Variants in RRAGD observed in about 807,000 individuals in gnomAD.
RRAGD encodes the protein Ras related GTP binding D, also known as ras-related GTP-binding protein D.
RRAGD carries 12 observed loss-of-function variants against 35.5 expected under a neutral mutation model. The observed-to-expected ratio is 0.34, with a 90% CI of 0.22 to 0.55. The LOEUF (loss-of-function observed/expected upper bound fraction) is 0.55, where lower values mean the gene tolerates loss of function less well. Among genes scored for constraint, RRAGD ranks in the 20% least tolerant of loss-of-function variants. The probability of loss-of-function intolerance (pLI) is 0.91; values close to 1 mark genes in which losing one functional copy is unlikely to be tolerated. For missense variants in RRAGD, 324 were observed against 490.1 expected (o/e 0.66, Z 3.20); for synonymous variants, 155 against 178.9 (o/e 0.87, Z 1.07).
chr6:89,393,936 T>C (rs931775565), intron 1 of RRAGD, among the ~76,000 whole-genome samples: 2 of 152,064 alleles, frequency 1.3e-5, no homozygotes, highest in African/African-American at 4.8e-5. Context: ...AAAAGCAGAA[T>C]AAACACAGAT....
At chr6:89,382,896 T>A (rs1167458163) in intron 2 of RRAGD, among the ~76,000 whole-genome samples, 2 of 151,208 alleles carry the variant, frequency 1.3e-5, no homozygotes, top group Non-Finnish European at 2.9e-5. Flanking sequence ...AAAAAAAAAA[T>A]TAAATTAAAT....
rs1424322538 is a variant in RRAGD, at chr6:89,372,565, C to G, written c.923G>C (p.Gly308Ala). 6.5e-7 allele frequency: 1 copy of G among 1,546,618 alleles called. No homozygotes were observed. The highest frequency in any genetic ancestry group is 8.7e-7 in the Non-Finnish European group (1 of 1,151,302). ...CIYGLKEDGA[G>A]TPYDKESTAI... The stretch of plus-strand genomic sequence containing the variant: ...TGTGGATTCCTTGTCATAGGGGGTT[C>G]CTGCTCCATCTTCTTTGAGACTAAA... The change falls in exon 6 of 7, where the codon GGA (glycine) becomes GCA (alanine). Residue 308 changes from glycine to alanine, a missense_variant. This residue lies in a region of RRAGD where 152 missense variants were observed against 296.9 expected (regional missense o/e 0.51). Coordinates refer to ENST00000369415, the MANE Select transcript of RRAGD (RefSeq NM_021244.5).
chr6:89,385,592 C>T (rs1769125624), intron 2 of RRAGD, among the ~76,000 whole-genome samples: 1 of 152,164 alleles, frequency 6.6e-6, no homozygotes, highest in Non-Finnish European at 1.5e-5. Flanking sequence ...CAGGTCAGTA[C>T]AAGTGGGACA....
chr6:89,392,149 G>A (rs1277000580), intron 1 of RRAGD, among the ~76,000 whole-genome samples: 2 of 151,934 alleles, frequency 1.3e-5, no homozygotes, highest in Admixed American at 6.6e-5. Flanking sequence ...GAAACTCAAA[G>A]AAGGATCAAG....
At chr6:89,403,273 G>A (rs1290037851) in intron 1 of RRAGD, among the ~76,000 whole-genome samples, 4 of 152,072 alleles carry the variant, frequency 2.6e-5, no homozygotes, top group Admixed American at 1.3e-4. Flanking sequence ...GTGAAACCCC[G>A]TGTCTACTAA....
At chr6:89,377,626 A>C in intron 5 of RRAGD, 45 bp downstream of exon 5, 3 of 1,484,086 alleles carry the variant, frequency 2.0e-6, no homozygotes, top group Non-Finnish European at 2.7e-6. Flanking sequence ...AAAGGTTATG[A>C]AGGAAGGATG....
At position 89,377,821 on chromosome 6, in the gene RRAGD, T is replaced by TA; in HGVS notation, c.760-9_760-8insT. 2 of 1,586,928 alleles carry TA rather than the reference T, an allele frequency of 1.3e-6. No individual in the cohort carries two copies. Among genetic ancestry groups the TA allele is most frequent in the Admixed American group, 1.9e-5 (1 of 52,482 alleles). On this transcript the variant is annotated splice_polypyrimidine_tract_variant and intron_variant, in intron 4 of 6. Coordinates refer to ENST00000369415, the MANE Select transcript of RRAGD (RefSeq NM_021244.5). ...CTTTTCAATTCCAGAATTCTGAAAT[T>TA]TAAAAAAAAAAGTTGCCTTAAAGCA... is the stretch of plus-strand genomic sequence containing the variant.
In RRAGD at chr6:89,411,234, G is replaced by C. The variant is rs1430560901; in HGVS notation, c.148+612C>G. 3 of 152,258 alleles carry C rather than the reference G, an allele frequency of 2.0e-5. No homozygotes were observed. The highest frequency in any genetic ancestry group is 6.5e-5 in the Admixed American group (1 of 15,290). 9.4% of individuals were successfully genotyped at this position (152,258 alleles called of 1,614,324 possible). ...GAGCAGATAAGGTGTCCTGACAACG[G>C]TGTTTGCGTGGATCCCGGGAAATCT... On this transcript the variant is annotated intron_variant, in intron 1 of 6. Transcript: ENST00000369415. The surrounding 1 kb of genome is among the most constrained non-coding windows in gnomAD (Gnocchi z 5.6).
intron 1 of RRAGD, among the ~76,000 whole-genome samples, chr6:89,406,683 G>A (rs141741172): frequency 0.033 from 5,029 of 152,170 alleles, 90 homozygotes; most frequent in African/African-American, 0.042. Context: ...CGATTCTTCC[G>A]GTACACCAAG....
chr6:89,393,686 C>A (rs1480855850), intron 1 of RRAGD, among the ~76,000 whole-genome samples: 4 of 152,118 alleles, frequency 2.6e-5, no homozygotes, highest in Non-Finnish European at 5.9e-5. Context: ...ATCAAATATT[C>A]GAGTAATGCC....
chr6:89,389,422 G>A lies in RRAGD; in HGVS notation c.149-1832C>T, dbSNP rs1769192708. 3.3e-5 allele frequency among the ~76,000 whole-genome samples: 5 copies of A among 152,114 alleles called. 1 individual carries two copies. In the South Asian group the frequency reaches 1.0e-3, roughly 32 times the overall value. ...TACAAAAAAATTAGCCAGGCGTGGT[G>A]GCGGGCACCTGTAGTCCCAGCTACT... On this transcript the variant is annotated intron_variant, in intron 1 of 6. Transcript: ENST00000369415.
chr6:89,372,848 G>A (rs929737408), intron 5 of RRAGD, among the ~76,000 whole-genome samples: 13 of 152,358 alleles, frequency 8.5e-5, no homozygotes, highest in African/African-American at 2.9e-4. Context: ...GTTGAAGGAT[G>A]AGGTTAGCTC....
At chr6:89,406,327 C>T (rs1473283223) in intron 1 of RRAGD, among the ~76,000 whole-genome samples, 4 of 152,006 alleles carry the variant, frequency 2.6e-5, no homozygotes, top group Non-Finnish European at 5.9e-5. Flanking sequence ...CAGGCATTTC[C>T]GGCCCAAATG....
At chr6:89,377,364 A>G (rs991712068) in intron 5 of RRAGD, among the ~76,000 whole-genome samples, 6 of 152,184 alleles carry the variant, frequency 3.9e-5, no homozygotes, top group African/African-American at 1.4e-4. Context: ...CTATAATCCC[A>G]GCTACTCGAG....
intron 1 of RRAGD, among the ~76,000 whole-genome samples, chr6:89,398,813 C>G (rs1034862898): frequency 2.0e-5 from 3 of 152,198 alleles, no homozygotes; most frequent in African/African-American, 4.8e-5. Context: ...CCTTCACCAC[C>G]TAGAGCCTTC....
At chr6:89,372,650 A>G (rs1768873781) in intron 5 of RRAGD, 65 bp from the exon 6 acceptor site, 1 of 1,461,226 alleles carries the variant, frequency 6.8e-7, no homozygotes, top group Admixed American at 2.4e-5. Flanking sequence ...TAAGCCAGTG[A>G]CAAGAGACCG....
intron 2 of RRAGD, among the ~76,000 whole-genome samples, chr6:89,382,027 A>G (rs1769051633): frequency 6.6e-6 from 1 of 151,890 alleles, no homozygotes; most frequent in Admixed American, 6.6e-5. Context: ...CAAAAAAAAA[A>G]AAAGGAAAGA....
chr6:89,405,629 C>A (rs911856898), intron 1 of RRAGD, among the ~76,000 whole-genome samples: 4 of 152,104 alleles, frequency 2.6e-5, no homozygotes, highest in Admixed American at 2.6e-4. Flanking sequence ...TTTTCCCACC[C>A]CAAGCCTAGG....
At chr6:89,405,227 G>A (rs147116660) in intron 1 of RRAGD, among the ~76,000 whole-genome samples, 12 of 151,930 alleles carry the variant, frequency 7.9e-5, no homozygotes, top group East Asian at 5.8e-4. Flanking sequence ...GGCAGCGTGC[G>A]CCTGTAGTCC....
Sources: allele counts gnomAD v4.1 joint callset (sites outside exome capture counted in the v4.1 genomes callset), GRCh38; gene constraint gnomAD v4.1.1; regional missense constraint gnomAD v4.1.1; non-coding constraint Gnocchi (gnomAD v3.1); transcripts MANE v1.5; gene names NCBI Gene and HGNC (gene_info 2026-07-23, HGNC 2026-07-21).